The following MAD1L1 variants were observed in gnomAD, a reference collection of about 807,000 sequenced individuals.
MAD1L1 encodes the protein mitotic arrest deficient 1 like 1.
A neutral mutation model predicts 96.9 loss-of-function variants in MAD1L1; 95 were observed. That is an observed-to-expected ratio of 0.98 (90% CI 0.83 to 1.16). MAD1L1 has a LOEUF of 1.16. Ranked by LOEUF, MAD1L1 falls within the 50% of genes most tolerant of loss-of-function variation. The probability of loss-of-function intolerance (pLI) is 0.00; values close to 1 mark genes in which losing one functional copy is unlikely to be tolerated. For synonymous variants in MAD1L1, 473 were observed against 396.6 expected, an observed-to-expected ratio of 1.19 and a Z score of -2.29; for missense variants, 1,007 against 954.4, an observed-to-expected ratio of 1.06 and a Z score of -0.73.
rs754019446 is a variant in MAD1L1 at position 1,816,099 on chromosome 7, C to T, written c.2128G>A (p.Glu710Lys). The change falls in exon 19 of 19, where the codon GAG (glutamate) becomes AAG (lysine). Residue 710 changes from glutamate to lysine, a missense_variant. By Grantham distance (56) the Glu-to-Lys change is moderately conservative. Transcript: ENST00000265854. ...IPAFLSSLTL[E>K]LFSRQTVA is the part of the protein sequence containing the mutation. Reference sequence around the variant, plus strand: ...GCCACGGTCTGGCGGCTGAAGAGCTCGAGGGTGAGCGAGCTGAGGAAGGCA... The same window carrying T: ...GCCACGGTCTGGCGGCTGAAGAGCTTGAGGGTGAGCGAGCTGAGGAAGGCA... 8.5e-5 allele frequency: 137 copies of T among 1,612,070 alleles called. No individual in the cohort carries two copies. The highest frequency in any genetic ancestry group is 1.1e-4 in the Non-Finnish European group (124 of 1,179,616).
chr7:2,188,692 T>C (rs1294302173), intron 10 of MAD1L1, among the ~76,000 whole-genome samples: 3 of 151,446 alleles, frequency 2.0e-5, no homozygotes, highest in African/African-American at 7.3e-5. Context: ...CCAAAACAAA[T>C]CAAAGACCTA....
At chr7:1,885,944 G>C (rs1320846350) in intron 18 of MAD1L1, among the ~76,000 whole-genome samples, 1 of 152,250 alleles carries the variant, frequency 6.6e-6, no homozygotes, top group Non-Finnish European at 1.5e-5. Flanking sequence ...CCACACGCCT[G>C]GCTTCCCATT....
chr7:1,906,195 C>T (rs1237530052), intron 17 of MAD1L1, among the ~76,000 whole-genome samples: 5 of 152,148 alleles, frequency 3.3e-5, no homozygotes, highest in South Asian at 2.1e-4. Context: ...GAGGAAGAGA[C>T]GCCAGCCCTG....
intron 11 of MAD1L1, among the ~76,000 whole-genome samples, chr7:2,076,632 GAC>G (rs1229282627): frequency 1.3e-5 from 2 of 152,220 alleles, no homozygotes; most frequent in Non-Finnish European, 2.9e-5. Context: ...ACACAGTTAT[GAC>G]ACAGTGAGCC....
At chr7:2,055,598 A>G (rs1371015609) in intron 12 of MAD1L1, among the ~76,000 whole-genome samples, 4 of 147,816 alleles carry the variant, frequency 2.7e-5, no homozygotes, top group African/African-American at 1.0e-4. Flanking sequence ...GGAGCCTGCG[A>G]TGTCGAGGCT....
intron 12 of MAD1L1, among the ~76,000 whole-genome samples, chr7:2,048,881 G>C (rs141303375): frequency 0.013 from 1,936 of 152,310 alleles, 31 homozygotes; most frequent in African/African-American, 0.044. Flanking sequence ...TGTGCCGATT[G>C]TCACACTTGC....
chr7:2,031,584 C>T (rs893186026), intron 12 of MAD1L1, among the ~76,000 whole-genome samples: 2 of 152,248 alleles, frequency 1.3e-5, no homozygotes, highest in African/African-American at 4.8e-5. Flanking sequence ...AGCCTTGTTA[C>T]AGCAGCTGCT....
chr7:1,870,829 A>T (rs1562475912), intron 18 of MAD1L1, among the ~76,000 whole-genome samples: 3 of 16,758 alleles, frequency 1.8e-4, no homozygotes, highest in East Asian at 1.6e-3. Flanking sequence ...ACCGACCATA[A>T]CACCTGCCAC....
At chr7:1,925,529 T>C (rs1789038700) in intron 17 of MAD1L1, among the ~76,000 whole-genome samples, 1 of 152,178 alleles carries the variant, frequency 6.6e-6, no homozygotes, top group South Asian at 2.1e-4. Context: ...GGAGGGCAGA[T>C]ACAGAGAGCC....
chr7:1,849,770 G>A (rs1198265579), intron 18 of MAD1L1: 1 of 151,594 alleles, frequency 6.6e-6, no homozygotes, highest in African/African-American at 2.4e-5. Flanking sequence ...AGGGCCCTGA[G>A]GGGCTGTGGA....
At chr7:2,118,886 CA>C (rs1239545479) in intron 11 of MAD1L1, among the ~76,000 whole-genome samples, 1 of 152,208 alleles carries the variant, frequency 6.6e-6, no homozygotes, top group African/African-American at 2.4e-5. Context: ...AGCCTGCTCT[CA>C]GAGGAGAAGC....
intron 17 of MAD1L1, among the ~76,000 whole-genome samples, chr7:1,928,781 C>T (rs1039431447): frequency 1.3e-5 from 2 of 152,174 alleles, no homozygotes; most frequent in East Asian, 1.9e-4. Context: ...GCCTGTGCCA[C>T]GTGAGAGCTG....
Position 1,841,429 on chromosome 7 carries a change from G to A in MAD1L1, c.1999-25201C>T, listed in dbSNP as rs532904313. ...TGTTTTATACCAAGTTGAGCGGCCT[G>A]TCATCTAGAAGCTTCTGTCCTGACC... On this transcript the variant is annotated intron_variant, in intron 18 of 18. Coordinates refer to ENST00000265854, the MANE Select transcript of MAD1L1 (RefSeq NM_001013836.2). Among the ~76,000 whole-genome samples the A allele has an allele frequency of 5.9e-5, 9 of 152,340 alleles. No homozygotes were observed. The East Asian group carries it at 1.7e-3, about 29-fold the overall frequency.
At chr7:1,849,668 C>T (rs1339834352) in intron 18 of MAD1L1, 1 of 152,172 alleles carries the variant, frequency 6.6e-6, no homozygotes, top group African/African-American at 2.4e-5. Flanking sequence ...CAAGACGGCT[C>T]CCTGCTCCCA....
chr7:1,972,804 G>A (rs1157225571), intron 15 of MAD1L1, among the ~76,000 whole-genome samples: 3 of 152,022 alleles, frequency 2.0e-5, no homozygotes, highest in Admixed American at 1.3e-4. Flanking sequence ...TGAGCATGAC[G>A]TACTTCCTTC....
intron 15 of MAD1L1, among the ~76,000 whole-genome samples, chr7:1,959,601 C>T (rs1243124260): frequency 2.6e-5 from 4 of 152,114 alleles, no homozygotes; most frequent in East Asian, 1.9e-4. Context: ...AGGCACAAGG[C>T]GGGGTTCTCA....
chr7:1,995,539 G>A (rs953744964), intron 14 of MAD1L1, among the ~76,000 whole-genome samples: 14 of 152,264 alleles, frequency 9.2e-5, no homozygotes, highest in African/African-American at 3.4e-4. Flanking sequence ...AAGGGCGGGC[G>A]CAGGAGCCCC....
At chr7:2,151,119 G>C (rs565674380) in intron 10 of MAD1L1, among the ~76,000 whole-genome samples, 1 of 152,174 alleles carries the variant, frequency 6.6e-6, no homozygotes, top group Non-Finnish European at 1.5e-5. Flanking sequence ...ATATCAGTAC[G>C]AAAGTAAGGA....
intron 11 of MAD1L1, among the ~76,000 whole-genome samples, chr7:2,125,675 C>A (rs1197680689): frequency 6.6e-6 from 1 of 152,200 alleles, no homozygotes; most frequent in African/African-American, 2.4e-5. Flanking sequence ...GGCCCTCTCA[C>A]CCAGAGGCAG....
Sources: allele counts gnomAD v4.1 joint callset (sites outside exome capture counted in the v4.1 genomes callset), GRCh38; gene constraint gnomAD v4.1.1; transcripts MANE v1.5; gene names NCBI Gene and HGNC (gene_info 2026-07-23, HGNC 2026-07-21).